SNTG1: variants seen among roughly 807,000 people sequenced by gnomAD.
SNTG1 encodes syntrophin gamma 1, also known as gamma-1-syntrophin.
Under a neutral mutation model 74.7 loss-of-function variants are expected in SNTG1, and 39 were observed. That is an observed-to-expected ratio of 0.52 (90% CI 0.40 to 0.68). SNTG1 has a LOEUF of 0.68. Ranked by LOEUF, SNTG1 falls within the 30% of genes least tolerant of loss-of-function variation. The probability of loss-of-function intolerance (pLI) is 0.00; values close to 1 mark genes in which losing one functional copy is unlikely to be tolerated. For missense variants in SNTG1, 685 were observed against 609.5 expected, an observed-to-expected ratio of 1.12 and a Z score of -1.30; for synonymous variants, 254 against 217.1, an observed-to-expected ratio of 1.17 and a Z score of -1.49.
At chr8:50,030,757 T>C (rs1172739047) in intron 1 of SNTG1, among the ~76,000 whole-genome samples, 1 of 152,068 alleles carries the variant, frequency 6.6e-6, no homozygotes, top group Non-Finnish European at 1.5e-5. Context: ...ATAATATTTT[T>C]TTAATTGAAT....
At chr8:49,994,256 CTTT>C (rs11367514) in intron 1 of SNTG1, among the ~76,000 whole-genome samples, 11 of 101,236 alleles carry the variant, frequency 1.1e-4, no homozygotes, top group Admixed American at 3.2e-4. Context: ...TTTTATTCTT[CTTT>C]TTTTTTTTTT....
chr8:50,260,612 A>G (rs2087139093), intron 2 of SNTG1, among the ~76,000 whole-genome samples: 2 of 152,096 alleles, frequency 1.3e-5, no homozygotes, highest in South Asian at 4.1e-4. Flanking sequence ...AACCAGAATC[A>G]AATATGGGAG....
intron 13 of SNTG1, among the ~76,000 whole-genome samples, 177 bp from the exon 14 acceptor site, chr8:50,656,732 G>A (rs1177230569): frequency 6.6e-6 from 1 of 152,084 alleles, no homozygotes; most frequent in African/African-American, 2.4e-5. Flanking sequence ...ATTTACTGAA[G>A]CCAAATCTGG....
intron 1 of SNTG1, among the ~76,000 whole-genome samples, chr8:49,920,073 T>A (rs184566929): frequency 1.3e-5 from 2 of 152,216 alleles, no homozygotes; most frequent in East Asian, 3.9e-4. Context: ...TTTAAGCGAT[T>A]AGAGAAAACT....
chr8:50,389,682 TA>T (rs1229094784), intron 2 of SNTG1, among the ~76,000 whole-genome samples: 1 of 152,218 alleles, frequency 6.6e-6, no homozygotes, highest in Non-Finnish European at 1.5e-5. Context: ...ATGGTTGAAC[TA>T]GTTTACAGTC....
chr8:50,103,213 C>G (rs1420921589), intron 1 of SNTG1, among the ~76,000 whole-genome samples: 15 of 152,106 alleles, frequency 9.9e-5, no homozygotes, highest in Middle Eastern at 3.4e-3. Context: ...TCTTCCATTT[C>G]TTTGTATCCT....
chr8:50,031,712 T>C (rs1817751485), intron 1 of SNTG1, among the ~76,000 whole-genome samples: 1 of 152,114 alleles, frequency 6.6e-6, no homozygotes, highest in Admixed American at 6.5e-5. Context: ...CCTTTATGTA[T>C]TGGTAAATCC....
chr8:50,474,840 A>G (rs1202867329), intron 8 of SNTG1, among the ~76,000 whole-genome samples: 5 of 152,132 alleles, frequency 3.3e-5, no homozygotes, highest in Non-Finnish European at 7.4e-5. Flanking sequence ...ATGTCCATCA[A>G]TGATAGACTG....
At chr8:50,703,681 C>T (rs946612330) in intron 15 of SNTG1, among the ~76,000 whole-genome samples, 5 of 152,038 alleles carry the variant, frequency 3.3e-5, no homozygotes, top group South Asian at 2.1e-4. Context: ...ACATCATAAT[C>T]GTATGTGCTA....
chr8:50,600,861 G>A (rs184501181), intron 13 of SNTG1, among the ~76,000 whole-genome samples: 103 of 150,012 alleles, frequency 6.9e-4, no homozygotes, highest in Non-Finnish European at 1.4e-3. Context: ...GCTGTTGCTT[G>A]TCTAGTTCTT....
chr8:50,486,306 G>T (rs1226229223), intron 8 of SNTG1, among the ~76,000 whole-genome samples: 2 of 142,620 alleles, frequency 1.4e-5, no homozygotes, highest in South Asian at 2.4e-4. Flanking sequence ...CCATTTGTTT[G>T]TATCCTCTTT....
intron 15 of SNTG1, among the ~76,000 whole-genome samples, chr8:50,696,529 C>T (rs1166593637): frequency 6.6e-6 from 1 of 151,988 alleles, no homozygotes; most frequent in African/African-American, 2.4e-5. Context: ...AGGCCAATGT[C>T]CAGAAGACAT....
At chr8:50,598,019 A>T (rs1443742106) in intron 13 of SNTG1, among the ~76,000 whole-genome samples, 1 of 150,996 alleles carries the variant, frequency 6.6e-6, no homozygotes, top group Non-Finnish European at 1.5e-5. Flanking sequence ...GATGAGCAGA[A>T]GTTTTTTGTT....
intron 18 of SNTG1, among the ~76,000 whole-genome samples, chr8:50,771,580 T>C (rs929369131): frequency 6.6e-6 from 1 of 152,030 alleles, no homozygotes; most frequent in Non-Finnish European, 1.5e-5. Flanking sequence ...AAAAGGCATG[T>C]TTGGAAAGGG....
intron 8 of SNTG1, among the ~76,000 whole-genome samples, chr8:50,484,154 TTCC>T (rs1563453649): frequency 0.026 from 957 of 36,814 alleles, 7 homozygotes; most frequent in South Asian, 0.063. Flanking sequence ...CTTTCTTTCC[TTCC>T]TTCCTTCCTT....
At chr8:50,472,919 A>T (rs540255126) in intron 8 of SNTG1, among the ~76,000 whole-genome samples, 1 of 152,224 alleles carries the variant, frequency 6.6e-6, no homozygotes, top group South Asian at 2.1e-4. Context: ...CCAAAAAAAC[A>T]TATGAAAAAA....
chr8:50,301,866 T>TTTG (rs1443665450), intron 2 of SNTG1, among the ~76,000 whole-genome samples: 7 of 110,454 alleles, frequency 6.3e-5, no homozygotes, highest in Non-Finnish European at 1.1e-4. Context: ...TTTTTTGTTT[T>TTTG]TTTTTTTTGA....
intron 2 of SNTG1, among the ~76,000 whole-genome samples, chr8:50,221,417 A>G (rs1025575299): frequency 5.3e-5 from 8 of 151,980 alleles, no homozygotes; most frequent in African/African-American, 1.7e-4. Context: ...TATAAGATCA[A>G]CGTGGCAAAA....
chr8:49,947,457 T>C (rs1001450971), intron 1 of SNTG1, among the ~76,000 whole-genome samples: 1 of 152,190 alleles, frequency 6.6e-6, no homozygotes, highest in Non-Finnish European at 1.5e-5. Context: ...TTTATGAGGG[T>C]CCAAAGCAAC....
Sources: gnomAD v4.1 joint callset for allele counts (sites outside exome capture counted in the v4.1 genomes callset) on GRCh38, gnomAD v4.1.1 for gene constraint, MANE v1.5 for transcripts, NCBI Gene and HGNC (gene_info 2026-07-23, HGNC 2026-07-21) for gene names.